HS6ST3: variants seen among roughly 807,000 people sequenced by gnomAD.
The protein encoded by HS6ST3 is heparan-sulfate 6-O-sulfotransferase 3.
Under a neutral mutation model 36.7 loss-of-function variants are expected in HS6ST3, and 12 were observed. The ratio of observed to expected loss-of-function variants is 0.33; its 90% CI spans 0.21 to 0.53. HS6ST3 has a LOEUF of 0.53. HS6ST3 is among the 20% of genes least tolerant of loss of function. The pLI, the probability that HS6ST3 is intolerant of heterozygous loss-of-function variation, is 0.95. For synonymous variants in HS6ST3, 240 were observed against 257.5 expected, an observed-to-expected ratio of 0.93 and a Z score of 0.65; for missense variants, 584 against 640.9, an observed-to-expected ratio of 0.91 and a Z score of 0.96.
intron 1 of HS6ST3, among the ~76,000 whole-genome samples, chr13:96,107,295 G>A (rs148332141): frequency 2.0e-5 from 3 of 152,270 alleles, no homozygotes; most frequent in African/African-American, 4.8e-5. Context: ...AGATGCTGGA[G>A]TGGAGACTAT....
chr13:96,615,451 G>T lies in HS6ST3; in HGVS notation c.708-217039G>T, dbSNP rs142675014. Among the ~76,000 whole-genome samples the T allele has an allele frequency of 2.8e-3, 420 of 152,322 alleles. 1 individual carries two copies. Among genetic ancestry groups the T allele is most frequent in the South Asian group, 8.1e-3 (39 of 4,830 alleles). ...GATCAGATGACATGATGAGAGCAGT[G>T]TCGATGGATGGTGGGTCTTGTGACC... On this transcript the variant is annotated intron_variant, in intron 1 of 1. Transcript: ENST00000376705.
chr13:96,269,411 C>A (rs2054708626), intron 1 of HS6ST3, among the ~76,000 whole-genome samples: 1 of 151,918 alleles, frequency 6.6e-6, no homozygotes. Flanking sequence ...GTTTATCAAC[C>A]TATTCCTCAA....
At chr13:96,438,756 C>T (rs1017291103) in intron 1 of HS6ST3, among the ~76,000 whole-genome samples, 1 of 152,144 alleles carries the variant, frequency 6.6e-6, no homozygotes, top group African/African-American at 2.4e-5. Context: ...ATTCTGAGAT[C>T]TTTTCTGATT....
At chr13:96,603,395 T>A (rs2056428301) in intron 1 of HS6ST3, among the ~76,000 whole-genome samples, 1 of 152,230 alleles carries the variant, frequency 6.6e-6, no homozygotes, top group Non-Finnish European at 1.5e-5. Flanking sequence ...TATGTTGTTT[T>A]TCTTGTGGTA....
At chr13:96,324,452 G>A (rs375258774) in intron 1 of HS6ST3, among the ~76,000 whole-genome samples, 1 of 152,238 alleles carries the variant, frequency 6.6e-6, no homozygotes, top group Admixed American at 6.5e-5. Flanking sequence ...TGACCATGTG[G>A]TATATTAAAG....
intron 1 of HS6ST3, among the ~76,000 whole-genome samples, chr13:96,257,165 A>G (rs980390394): frequency 6.6e-6 from 1 of 152,148 alleles, no homozygotes; most frequent in African/African-American, 2.4e-5. Context: ...CCAGTACTTA[A>G]TGGTACCAGG....
At chr13:96,465,037 G>A (rs1287123525) in intron 1 of HS6ST3, among the ~76,000 whole-genome samples, 1 of 149,738 alleles carries the variant, frequency 6.7e-6, no homozygotes, top group Non-Finnish European at 1.5e-5. Flanking sequence ...TCAAATAGAT[G>A]CTCCAACTCA....
intron 1 of HS6ST3, among the ~76,000 whole-genome samples, chr13:96,605,443 A>G (rs934718428): frequency 1.3e-5 from 2 of 152,144 alleles, no homozygotes; most frequent in Non-Finnish European, 2.9e-5. Flanking sequence ...AGATAAAGCC[A>G]TAACTATTTA....
At chr13:96,614,506 G>A (rs2056467495) in intron 1 of HS6ST3, among the ~76,000 whole-genome samples, 1 of 151,954 alleles carries the variant, frequency 6.6e-6, no homozygotes, top group Non-Finnish European at 1.5e-5. Context: ...GGTGGGGATG[G>A]TGGGTTGAAG....
At chr13:96,512,227 A>C (rs1333634731) in intron 1 of HS6ST3, among the ~76,000 whole-genome samples, 1 of 152,156 alleles carries the variant, frequency 6.6e-6, no homozygotes, top group African/African-American at 2.4e-5. Flanking sequence ...AACATTCTCT[A>C]TATAATTATA....
At chr13:96,176,117 C>T (rs780978483) in intron 1 of HS6ST3, among the ~76,000 whole-genome samples, 21 of 152,100 alleles carry the variant, frequency 1.4e-4, no homozygotes, top group African/African-American at 4.8e-4. Context: ...GAGTGAGGCA[C>T]CATTCCTGGC....
intron 1 of HS6ST3, among the ~76,000 whole-genome samples, chr13:96,710,096 C>T (rs1340690012): frequency 1.3e-5 from 2 of 152,164 alleles, no homozygotes; most frequent in Non-Finnish European, 2.9e-5. Context: ...ACTGCTGCTG[C>T]ACAGTGAATA....
intron 1 of HS6ST3, among the ~76,000 whole-genome samples, chr13:96,632,329 GTTTTTGTT>G: frequency 6.6e-6 from 1 of 151,174 alleles, no homozygotes; most frequent in East Asian, 1.9e-4. Context: ...TTGTTTGTTT[GTTTTTGTT>G]TTTTTGTTTT....
intron 1 of HS6ST3, among the ~76,000 whole-genome samples, chr13:96,648,672 C>T (rs2056597422): frequency 6.6e-6 from 1 of 151,838 alleles, no homozygotes; most frequent in Non-Finnish European, 1.5e-5. Flanking sequence ...CCACAACAGG[C>T]CCCAGTCTGT....
intron 1 of HS6ST3, among the ~76,000 whole-genome samples, chr13:96,197,299 A>G (rs2054319006): frequency 6.6e-6 from 1 of 152,190 alleles, no homozygotes. Flanking sequence ...TGATAAACCC[A>G]TCAGATCTTG....
At chr13:96,504,664 T>A (rs1224141861) in intron 1 of HS6ST3, among the ~76,000 whole-genome samples, 1 of 152,204 alleles carries the variant, frequency 6.6e-6, no homozygotes, top group Non-Finnish European at 1.5e-5. Context: ...GGTGGCATCC[T>A]TGCTCTCTGA....
At chr13:96,125,436 C>T (rs2053945725) in intron 1 of HS6ST3, among the ~76,000 whole-genome samples, 2 of 152,134 alleles carry the variant, frequency 1.3e-5, no homozygotes. Flanking sequence ...ACTTTAGGTG[C>T]ATTAAGCTTC....
At chr13:96,559,747 T>C (rs969702523) in intron 1 of HS6ST3, among the ~76,000 whole-genome samples, 1 of 152,086 alleles carries the variant, frequency 6.6e-6, no homozygotes, top group African/African-American at 2.4e-5. Context: ...TTAATGGAGC[T>C]GTCCTTGAAG....
intron 1 of HS6ST3, among the ~76,000 whole-genome samples, chr13:96,098,241 A>G (rs1431911679): frequency 6.6e-6 from 1 of 152,208 alleles, no homozygotes; most frequent in Non-Finnish European, 1.5e-5. Flanking sequence ...TTAGAAAAAA[A>G]TCAGCCTAAA....
Sources: allele counts gnomAD v4.1 joint callset (sites outside exome capture counted in the v4.1 genomes callset), GRCh38; gene constraint gnomAD v4.1.1; transcripts MANE v1.5; gene names NCBI Gene and HGNC (gene_info 2026-07-23, HGNC 2026-07-21).